The following POPDC3 variants were observed in gnomAD, a reference collection of about 807,000 sequenced individuals.
POPDC3 encodes popeye domain-containing protein 3.
POPDC3 carries 20 observed loss-of-function variants against 28.2 expected under a neutral mutation model. The ratio of observed to expected loss-of-function variants is 0.71; its 90% CI spans 0.50 to 1.03. POPDC3 has a LOEUF of 1.03. Among genes scored for constraint, POPDC3 ranks in the 50% least tolerant of loss-of-function variants. POPDC3 has a pLI of 0.00. For missense variants in POPDC3, 316 were observed against 345.9 expected (o/e 0.91, Z 0.69); for synonymous variants, 118 against 124.1 (o/e 0.95, Z 0.33).
Position 105,161,713 on chromosome 6 carries a change from A to G in POPDC3, c.197T>C (p.Val66Ala), listed in dbSNP as rs550583876. 2 of 1,614,210 alleles carry G rather than the reference A, an allele frequency of 1.2e-6. No homozygotes were observed. Among genetic ancestry groups the G allele is most frequent in the South Asian group, 1.1e-5 (1 of 91,082 alleles). The change falls in exon 2 of 4, where the codon GTC (valine) becomes GCC (alanine). Residue 66 changes from valine to alanine, a missense_variant. By Grantham distance (64) the Val-to-Ala change is moderately conservative. Transcript: ENST00000254765. The stretch of plus-strand genomic sequence containing the variant: ...TGCACAGACATCTACCCAAGCCCAG[A>G]CAGCAGAACAGAGAAAACCCAACCC... ...LLGLGFLCSA[V>A]WAWVDVCAAD...
At chr6:105,165,854 T>C (rs1352786957) in intron 1 of POPDC3, among the ~76,000 whole-genome samples, 2 of 152,230 alleles carry the variant, frequency 1.3e-5, no homozygotes, top group Non-Finnish European at 2.9e-5. Context: ...GCTCTCAACT[T>C]TGGCATGTGT....
chr6:105,159,755 G>C lies in POPDC3; in HGVS notation c.550C>G (p.Pro184Ala), dbSNP rs1466570951. The C allele has an allele frequency of 6.2e-7, 1 of 1,613,532 alleles. No individual in the cohort carries two copies. The highest frequency in any genetic ancestry group is 1.7e-5 in the Admixed American group (1 of 59,988). Residue 184 changes from proline to alanine, a missense_variant, in exon 3 of 4, where the codon CCT becomes GCT. Physicochemically the swap from Pro to Ala is conservative, Grantham distance 27. Coordinates refer to ENST00000254765, the MANE Select transcript of POPDC3 (RefSeq NM_022361.5). ...GTGGGTCTCAGTGAATCCCACTCAG[G>C]AGAATCCAGGAACTGAAGGGGGAAA... ...YIFPLQFLDS[P>A]EWDSLRPTEE...
chr6:105,175,190 A>G (rs995441289), intron 1 of POPDC3, among the ~76,000 whole-genome samples: 6 of 151,990 alleles, frequency 3.9e-5, no homozygotes, highest in Non-Finnish European at 2.9e-5. Flanking sequence ...TGTATCTGAA[A>G]TGAAGTTTAC....
chr6:105,179,175 A>G, intron 1 of POPDC3: 1 of 985,460 alleles, frequency 1.0e-6, no homozygotes, highest in Non-Finnish European at 1.2e-6. Flanking sequence ...CGACATGGTG[A>G]TAAGACAATT....
chr6:105,162,386 T>C (rs1774355254), intron 1 of POPDC3, among the ~76,000 whole-genome samples: 1 of 152,172 alleles, frequency 6.6e-6, no homozygotes, highest in African/African-American at 2.4e-5. Flanking sequence ...TCTATATTAA[T>C]CTCGTCTCTA....
At chr6:105,172,124 A>G (rs1774588414) in intron 1 of POPDC3, among the ~76,000 whole-genome samples, 2 of 151,248 alleles carry the variant, frequency 1.3e-5, no homozygotes, top group Non-Finnish European at 1.5e-5. Flanking sequence ...AATTTTTGCA[A>G]TCTACTCATC....
intron 1 of POPDC3, chr6:105,179,093 CT>C (rs1193215805): frequency 2.0e-4 from 197 of 985,438 alleles, no homozygotes; most frequent in Non-Finnish European, 2.2e-4. Flanking sequence ...GGCACTGCCC[CT>C]CTTACTGTAT....
rs529444927 is a variant in POPDC3 at position 105,164,506 on chromosome 6, C to T, written c.-251-2346G>A. 3.3e-5 allele frequency among the ~76,000 whole-genome samples: 5 copies of T among 152,348 alleles called. No individual in the cohort carries two copies. The South Asian group carries it at 6.2e-4, about 19-fold the overall frequency. ...TGCCCTGATTAAATTACTCCACACCCAGCCCTTCTTCACTTGTGTTTTTAT... is the reference window on the plus strand; with the variant it reads ...TGCCCTGATTAAATTACTCCACACCTAGCCCTTCTTCACTTGTGTTTTTAT... On this transcript the variant is annotated intron_variant, in intron 1 of 3. Transcript: ENST00000254765.
In POPDC3 at chr6:105,158,442, T is replaced by C. The variant is rs1176230405; in HGVS notation, c.*28A>G. Reference sequence around the variant, plus strand: ...GGAATGATGAAGAGAGAGTCTTTTTTTATACTTATAAATTTCAGACTTTGA... The same window carrying C: ...GGAATGATGAAGAGAGAGTCTTTTTCTATACTTATAAATTTCAGACTTTGA... On this transcript the variant is annotated 3_prime_UTR_variant, in exon 4 of 4. Coordinates refer to ENST00000254765, the MANE Select transcript of POPDC3 (RefSeq NM_022361.5). 6.4e-7 allele frequency: 1 copy of C among 1,556,378 alleles called. No homozygotes were observed. Among genetic ancestry groups the C allele is most frequent in the South Asian group, 1.2e-5 (1 of 81,708 alleles).
rs1774253166 is a variant in POPDC3 at position 105,158,754 on chromosome 6, A to C, written c.595-3T>G. 6.2e-7 allele frequency: 1 copy of C among 1,600,370 alleles called. No homozygotes were observed. Among genetic ancestry groups the C allele is most frequent in the Non-Finnish European group, 8.5e-7 (1 of 1,171,236 alleles). On this transcript the variant is annotated splice_region_variant and splice_polypyrimidine_tract_variant and intron_variant, in intron 3 of 3. Transcript: ENST00000254765. ...TCAGTTTCTGCAGTGAGGGTTACCT[A>C]AAAAACACAAGACCACACATAAACA...
rs1217037082 is a variant in POPDC3, at chr6:105,157,935, A to G, written c.*535T>C. Among the ~76,000 whole-genome samples, 1 of 152,270 alleles carries G rather than the reference A, an allele frequency of 6.6e-6. No homozygotes were observed. Among genetic ancestry groups the G allele is most frequent in the Non-Finnish European group, 1.5e-5 (1 of 68,044 alleles). On this transcript the variant is annotated 3_prime_UTR_variant, in exon 4 of 4. Coordinates refer to ENST00000254765, the MANE Select transcript of POPDC3 (RefSeq NM_022361.5). ...ATGTTATTTTATTTGTAGCAATAAAATAGGCTTCAAGATTCACATATTATT... is the reference window on the plus strand; with the variant it reads ...ATGTTATTTTATTTGTAGCAATAAAGTAGGCTTCAAGATTCACATATTATT...
At chr6:105,168,990 A>G (rs1437680044) in intron 1 of POPDC3, 1 of 152,236 alleles carries the variant, frequency 6.6e-6, no homozygotes, top group African/African-American at 2.4e-5. Flanking sequence ...TGTGTCTGAC[A>G]CCTTGACTGC....
chr6:105,176,917 A>G (rs1019219006), intron 1 of POPDC3: 2 of 153,656 alleles, frequency 1.3e-5, no homozygotes, highest in Non-Finnish European at 2.9e-5. Context: ...ACTTCATGTT[A>G]AAGATGAATA....
chr6:105,169,482 A>G (rs554394669), intron 1 of POPDC3: 7 of 152,356 alleles, frequency 4.6e-5, no homozygotes, highest in Non-Finnish European at 8.8e-5. Context: ...TTCCTAGAAT[A>G]CCATGTTTTC....
At chr6:105,166,789 C>A in intron 1 of POPDC3, 1 of 324,198 alleles carries the variant, frequency 3.1e-6, no homozygotes. Context: ...GTATATTTTT[C>A]CTTTTTAAAG....
chr6:105,163,252 GTTAC>G (rs887475181), intron 1 of POPDC3, among the ~76,000 whole-genome samples: 75 of 152,202 alleles, frequency 4.9e-4, no homozygotes, highest in Admixed American at 3.1e-3. Flanking sequence ...TAATATTCCT[GTTAC>G]TTACATATTT....
intron 1 of POPDC3, among the ~76,000 whole-genome samples, chr6:105,172,771 C>G (rs1774605507): frequency 1.4e-5 from 2 of 143,734 alleles, no homozygotes; most frequent in Non-Finnish European, 3.1e-5. Flanking sequence ...TCATTCTCAG[C>G]AAACTATTGC....
chr6:105,161,778 G>T lies in POPDC3; in HGVS notation c.132C>A (p.Gly44=). ...SILFVVGFMG[G]SGFFGLLYVF... is the part of the protein sequence containing the mutation. The stretch of plus-strand genomic sequence containing the variant: ...CATAAAGGAGCCCGAAGAATCCACT[G>T]CCACCCATGAAACCTACTACAAATA... Residue 44 remains glycine, a synonymous_variant, in exon 2 of 4, where the codon GGC becomes GGA. Transcript: ENST00000254765. The T allele has an allele frequency of 6.2e-7, 1 of 1,614,150 alleles. No homozygotes were observed. Among genetic ancestry groups the T allele is most frequent in the Non-Finnish European group, 8.5e-7 (1 of 1,180,036 alleles).
At chr6:105,172,495 A>G (rs1471305008) in intron 1 of POPDC3, among the ~76,000 whole-genome samples, 1 of 150,368 alleles carries the variant, frequency 6.7e-6, no homozygotes, top group Non-Finnish European at 1.5e-5. Context: ...TCAGGGATCT[A>G]GAACTAGAAA....
Sources: allele counts gnomAD v4.1 joint callset (sites outside exome capture counted in the v4.1 genomes callset), GRCh38; gene constraint gnomAD v4.1.1; transcripts MANE v1.5; gene names NCBI Gene and HGNC (gene_info 2026-07-23, HGNC 2026-07-21).